ERG: variants seen among roughly 807,000 people sequenced by gnomAD.
ERG encodes the protein transcriptional regulator ERG.
In ERG, 9 loss-of-function variants were observed where a neutral mutation model predicts 55.3. That is an observed-to-expected ratio of 0.16 (90% confidence interval 0.10 to 0.28). The LOEUF (loss-of-function observed/expected upper bound fraction) is 0.28, where lower values mean the gene tolerates loss of function less well. ERG is among the 10% of genes least tolerant of loss of function. ERG has a pLI of 1.00. For synonymous variants in ERG, 223 were observed against 237.3 expected, an observed-to-expected ratio of 0.94 and a Z score of 0.55; for missense variants, 434 against 631.6, an observed-to-expected ratio of 0.69 and a Z score of 3.35.
intron 2 of ERG, among the ~76,000 whole-genome samples, chr21:38,568,167 T>C (rs1428594900): frequency 6.6e-6 from 1 of 152,170 alleles, no homozygotes; most frequent in Non-Finnish European, 1.5e-5. Flanking sequence ...CTGCTATATG[T>C]AACAGTATCT....
At chr21:38,489,883 TC>T (rs1227672270) in intron 1 of ERG, among the ~76,000 whole-genome samples, 1 of 152,060 alleles carries the variant, frequency 6.6e-6, no homozygotes. Flanking sequence ...TCAGGAGGGG[TC>T]CCCCTCATCA....
intron 6 of ERG, among the ~76,000 whole-genome samples, chr21:38,394,356 CTT>C (rs903246496): frequency 6.4e-5 from 9 of 139,722 alleles, no homozygotes; most frequent in Middle Eastern, 3.2e-3. Context: ...TGTTTATTAT[CTT>C]TTTTTTTTTT....
intron 2 of ERG, among the ~76,000 whole-genome samples, chr21:38,430,002 T>C (rs1406278014): frequency 6.6e-6 from 1 of 152,346 alleles, no homozygotes; most frequent in South Asian, 2.1e-4. Flanking sequence ...CATGCTGTTT[T>C]CCATAGTGGT....
intron 1 of ERG, among the ~76,000 whole-genome samples, chr21:38,594,731 A>T (rs916452955): frequency 2.0e-5 from 3 of 152,226 alleles, no homozygotes; most frequent in African/African-American, 7.2e-5. Context: ...GACGTCAGAG[A>T]GGAAGGCAAT....
intron 1 of ERG, among the ~76,000 whole-genome samples, chr21:38,596,342 T>G (rs1488766961): frequency 1.3e-5 from 2 of 152,176 alleles, no homozygotes; most frequent in African/African-American, 4.8e-5. Context: ...AAATTCAAAC[T>G]CGGAATTCAA....
In ERG at chr21:38,392,435, T is replaced by G; in HGVS notation, c.755A>C (p.Tyr252Ser). Residue 252 changes from tyrosine (Y) to serine (S), a missense_variant, in exon 7 of 10, where the codon TAT becomes TCT. Around this residue, in one of 5 missense-constraint regions of ERG, gnomAD observed 99 missense variants for 145.6 expected, o/e 0.68. Transcript: ENST00000288319. ...QRITTRPDLP[Y>S]EPPRRSAWTG... ...CCAGGCTGATCTCCTGGGGGGCTCA[T>G]ATGGTAAATCTGTAAAGACAAATAA... 1 of 1,542,788 alleles carries G rather than the reference T, an allele frequency of 6.5e-7. No individual in the cohort carries two copies.
At chr21:38,588,392 C>T (rs944945871), upstream of ERG, among the ~76,000 whole-genome samples, 3 of 152,144 alleles carry the variant, frequency 2.0e-5, no homozygotes, top group Admixed American at 2.0e-4. Flanking sequence ...ATTCAGTATT[C>T]AGTCAGGTTC....
chr21:38,594,011 A>C (rs1568937516), intron 1 of ERG, among the ~76,000 whole-genome samples: 2 of 148,932 alleles, frequency 1.3e-5, no homozygotes, highest in Non-Finnish European at 1.5e-5. Flanking sequence ...CATTGTTGAC[A>C]AAAAAAAAAT....
chr21:38,583,644 T>A (rs1011521434), intron 1 of ERG, among the ~76,000 whole-genome samples: 9 of 152,128 alleles, frequency 5.9e-5, no homozygotes, highest in African/African-American at 2.2e-4. Context: ...CCTCGGGATG[T>A]GATGATAGAG....
At chr21:38,656,409 G>A (rs1334537848) in intron 1 of ERG, among the ~76,000 whole-genome samples, 1 of 152,196 alleles carries the variant, frequency 6.6e-6, no homozygotes, top group Non-Finnish European at 1.5e-5. Context: ...TTCTCTTACT[G>A]TCCATCTTAG....
chr21:38,633,174 G>C (rs2060367422), intron 1 of ERG, among the ~76,000 whole-genome samples: 1 of 152,168 alleles, frequency 6.6e-6, no homozygotes, highest in African/African-American at 2.4e-5. Flanking sequence ...GTATCTAAGG[G>C]AGTGAAATTC....
chr21:38,564,935 C>CAT (rs1261129452), intron 2 of ERG, among the ~76,000 whole-genome samples: 1 of 152,160 alleles, frequency 6.6e-6, no homozygotes, highest in African/African-American at 2.4e-5. Flanking sequence ...CCTCTAGACT[C>CAT]ATATCAACCT....
At chr21:38,403,270 T>C (rs997084719) in intron 4 of ERG, among the ~76,000 whole-genome samples, 2 of 152,052 alleles carry the variant, frequency 1.3e-5, no homozygotes, top group Non-Finnish European at 2.9e-5. Flanking sequence ...GGCAGCTGAG[T>C]GTTGAAGTGA....
At chr21:38,543,364 T>TTTA (rs1555856204) in intron 2 of ERG, among the ~76,000 whole-genome samples, 10,532 of 148,978 alleles carry the variant, frequency 0.071, 433 homozygotes, top group African/African-American at 0.11. Flanking sequence ...TGTTTTTTTT[T>TTTA]AAAAAAAAAG....
At chr21:38,543,191 A>C (rs747503991) in intron 2 of ERG, among the ~76,000 whole-genome samples, 1 of 152,144 alleles carries the variant, frequency 6.6e-6, no homozygotes, top group Non-Finnish European at 1.5e-5. Context: ...TCTAAAATGT[A>C]TATTATGCTC....
At chr21:38,597,497 A>ACACACACACACG (rs1374808594) in intron 1 of ERG, among the ~76,000 whole-genome samples, 1 of 151,942 alleles carries the variant, frequency 6.6e-6, no homozygotes, top group African/African-American at 2.4e-5. Flanking sequence ...ACACACACAC[A>ACACACACACACG]CACGCACACA....
downstream of ERG, among the ~76,000 whole-genome samples, chr21:38,377,399 A>G (rs1308263352): frequency 6.6e-6 from 1 of 152,164 alleles, no homozygotes; most frequent in African/African-American, 2.4e-5. Flanking sequence ...CTTAGAAACC[A>G]TTGCCCTGAT....
At chr21:38,376,162 C>T (rs1987236465), downstream of ERG, among the ~76,000 whole-genome samples, 1 of 152,266 alleles carries the variant, frequency 6.6e-6, no homozygotes, top group East Asian at 1.9e-4. Flanking sequence ...GTGACCATTG[C>T]ATAGTTCCAC....
intron 3 of ERG, among the ~76,000 whole-genome samples, chr21:38,417,543 C>T (rs985909627): frequency 2.6e-5 from 4 of 152,184 alleles, no homozygotes; most frequent in African/African-American, 9.6e-5. Context: ...AATCCCAGCA[C>T]TTTGGGTGAC....
Sources: gnomAD v4.1 joint callset for allele counts (sites outside exome capture counted in the v4.1 genomes callset) on GRCh38, gnomAD v4.1.1 for gene constraint, gnomAD v4.1.1 regional missense constraint, MANE v1.5 for transcripts, NCBI Gene and HGNC (gene_info 2026-07-23, HGNC 2026-07-21) for gene names.